Variants in NRG1 observed in about 807,000 individuals in gnomAD.
NRG1 encodes the protein pro-neuregulin-1, membrane-bound isoform.
A neutral mutation model predicts 63.8 loss-of-function variants in NRG1; 18 were observed. The observed-to-expected ratio is 0.28, with a 90% CI of 0.19 to 0.42. The LOEUF (loss-of-function observed/expected upper bound fraction) is 0.42, where lower values mean the gene tolerates loss of function less well. Among genes scored for constraint, NRG1 ranks in the 10% least tolerant of loss-of-function variants. The pLI, the probability that NRG1 is intolerant of heterozygous loss-of-function variation, is 1.00. For missense variants in NRG1, 762 were observed against 814.7 expected, an observed-to-expected ratio of 0.94 and a Z score of 0.79; for synonymous variants, 302 against 301.3, an observed-to-expected ratio of 1.00 and a Z score of -0.02.
chr8:31,691,468 A>C (rs1809500984), intron 1 of NRG1, among the ~76,000 whole-genome samples: 1 of 151,492 alleles, frequency 6.6e-6, no homozygotes, highest in Non-Finnish European at 1.5e-5. Context: ...AGTGGCGGGC[A>C]ACTGTAGTCC....
At chr8:32,411,298 G>A (rs1814909917) in intron 1 of NRG1, among the ~76,000 whole-genome samples, 1 of 152,174 alleles carries the variant, frequency 6.6e-6, no homozygotes, top group African/African-American at 2.4e-5. Flanking sequence ...TCCCATATGG[G>A]CCCTTCTCGA....
At chr8:32,091,075 C>T (rs182097639) in intron 1 of NRG1, among the ~76,000 whole-genome samples, 503 of 152,116 alleles carry the variant, frequency 3.3e-3, no homozygotes, top group Non-Finnish European at 6.2e-3. Context: ...GTCAGGAGAT[C>T]GAGACCATCC....
chr8:32,055,133 G>A lies in NRG1; in HGVS notation c.37+415702G>A, dbSNP rs182739644. On this transcript the variant is annotated intron_variant, in intron 1 of 10. Coordinates refer to the NRG1 transcript ENST00000519301. Reference sequence around the variant, plus strand: ...TCAAACTCCTGACCTCAGGTGATCCGCCTGCCTTGGCCTCCCAAAGTGCTG... The same window carrying A: ...TCAAACTCCTGACCTCAGGTGATCCACCTGCCTTGGCCTCCCAAAGTGCTG... Among the ~76,000 whole-genome samples the A allele has an allele frequency of 8.8e-3, 1,331 of 151,738 alleles. 20 individuals carry two copies. The highest frequency in any genetic ancestry group is 0.03 in the African/African-American group (1,232 of 41,388).
At chr8:32,758,956 G>A (rs1412072299) in intron 9 of NRG1, among the ~76,000 whole-genome samples, 1 of 152,140 alleles carries the variant, frequency 6.6e-6, no homozygotes, top group East Asian at 1.9e-4. Context: ...TGAAACAAAT[G>A]AATGTTGGAT....
At chr8:32,460,394 T>C (rs1822163194) in intron 1 of NRG1, among the ~76,000 whole-genome samples, 1 of 152,258 alleles carries the variant, frequency 6.6e-6, no homozygotes, top group South Asian at 2.1e-4. Context: ...AGATTGACTG[T>C]ACACGACCTG....
intron 1 of NRG1, among the ~76,000 whole-genome samples, chr8:32,092,299 T>C (rs1384237348): frequency 2.0e-5 from 3 of 150,802 alleles, no homozygotes; most frequent in African/African-American, 4.9e-5. Flanking sequence ...CTACAAAAAA[T>C]AGAAAAACTT....
intron 1 of NRG1, among the ~76,000 whole-genome samples, chr8:32,423,555 G>T (rs923210159): frequency 6.6e-6 from 1 of 152,108 alleles, no homozygotes; most frequent in Non-Finnish European, 1.5e-5. Flanking sequence ...TAAGGTGGGA[G>T]GATTGCTTGA....
chr8:32,501,472 G>A (rs1400998184), intron 1 of NRG1, among the ~76,000 whole-genome samples: 5 of 152,154 alleles, frequency 3.3e-5, no homozygotes, highest in Admixed American at 1.3e-4. Context: ...CAAATCCTTT[G>A]AGAGTTTTCC....
chr8:32,235,773 T>A (rs578252573), intron 1 of NRG1, among the ~76,000 whole-genome samples: 3 of 152,158 alleles, frequency 2.0e-5, no homozygotes, highest in Admixed American at 6.6e-5. Flanking sequence ...CTAGATTTGG[T>A]TCTAGGAGTT....
chr8:32,771,715 A>AAAAAATAT (rs1343943621), downstream of NRG1, among the ~76,000 whole-genome samples: 509 of 111,822 alleles, frequency 4.6e-3, 4 homozygotes, highest in South Asian at 0.013. Context: ...TTAAAAAAAA[A>AAAAAATAT]ATATATATAT....
At chr8:31,995,223 C>G (rs978749128) in intron 1 of NRG1, among the ~76,000 whole-genome samples, 1 of 151,892 alleles carries the variant, frequency 6.6e-6, no homozygotes, top group South Asian at 2.1e-4. Context: ...CTCCCCTCTG[C>G]CCTTTACTCT....
rs188426250 is a variant in NRG1 at position 31,696,391 on chromosome 8, G to A, written c.37+56960G>A. Among the ~76,000 whole-genome samples, 12 of 152,308 alleles carry A rather than the reference G, an allele frequency of 7.9e-5. No homozygotes were observed. In the East Asian group the frequency reaches 1.2e-3, roughly 15 times the overall value. ...CTATTGAGTGTTTAGTATGTGCCAA[G>A]GCATATGCTGGTTCAGAGGATATAT... On this transcript the variant is annotated intron_variant, in intron 1 of 10. Transcript: ENST00000519301.
At chr8:32,366,558 T>C (rs1490872451) in intron 1 of NRG1, among the ~76,000 whole-genome samples, 4 of 151,558 alleles carry the variant, frequency 2.6e-5, no homozygotes, top group African/African-American at 9.7e-5. Context: ...AGTAATCCAT[T>C]GTATGTATAT....
chr8:32,347,784 C>A (rs1805105716), intron 1 of NRG1, among the ~76,000 whole-genome samples: 2 of 152,148 alleles, frequency 1.3e-5, no homozygotes, highest in African/African-American at 4.8e-5. Flanking sequence ...AGATTTCATG[C>A]TGTGAGGGTG....
intron 5 of NRG1, among the ~76,000 whole-genome samples, chr8:32,636,211 C>T (rs1291722796): frequency 2.7e-5 from 4 of 150,238 alleles, no homozygotes; most frequent in Admixed American, 6.7e-5. Context: ...TGTGTTCGGG[C>T]GCAGGGGGTG....
intron 1 of NRG1, among the ~76,000 whole-genome samples, chr8:32,525,393 T>TGG (rs1397232266): frequency 3.1e-5 from 2 of 64,406 alleles, no homozygotes; most frequent in Non-Finnish European, 4.2e-5. Context: ...GAGGTAGGGG[T>TGG]GTGTGTGTGT....
At chr8:32,245,128 C>T (rs371361231) in intron 1 of NRG1, among the ~76,000 whole-genome samples, 8 of 152,072 alleles carry the variant, frequency 5.3e-5, no homozygotes, top group African/African-American at 7.2e-5. Context: ...GTCTGGCCTG[C>T]GTGTAATCTG....
intron 1 of NRG1, among the ~76,000 whole-genome samples, chr8:31,677,327 G>GT (rs994582959): frequency 2.0e-5 from 3 of 152,050 alleles, no homozygotes; most frequent in African/African-American, 4.8e-5. Flanking sequence ...AATTTCAAGT[G>GT]TTTTTTATCT....
chr8:31,696,966 C>T (rs932922525), intron 1 of NRG1, among the ~76,000 whole-genome samples: 1 of 152,102 alleles, frequency 6.6e-6, no homozygotes, highest in African/African-American at 2.4e-5. Context: ...GTCAGGGCTC[C>T]TAGTTTAATC....
Sources: allele counts gnomAD v4.1 joint callset (sites outside exome capture counted in the v4.1 genomes callset), GRCh38; gene constraint gnomAD v4.1.1; transcripts MANE v1.5; gene names NCBI Gene and HGNC (gene_info 2026-07-23, HGNC 2026-07-21).